CENPH: variants seen among roughly 807,000 people sequenced by gnomAD.
CENPH encodes centromere protein H, also known as CENP-H.
A neutral mutation model predicts 42.9 loss-of-function variants in CENPH; 40 were observed. The observed-to-expected ratio is 0.93, with a 90% CI of 0.72 to 1.21. The LOEUF (loss-of-function observed/expected upper bound fraction) is 1.21. CENPH is among the 50% of genes most tolerant of loss of function. The pLI, the probability that CENPH is intolerant of heterozygous loss-of-function variation, is 0.00. For synonymous variants in CENPH, 88 were observed against 96.5 expected, an observed-to-expected ratio of 0.91 and a Z score of 0.52; for missense variants, 302 against 292.9, an observed-to-expected ratio of 1.03 and a Z score of -0.23.
At chr5:69,205,702 C>CTTTTTTTTT (rs1158243799) in intron 7 of CENPH, among the ~76,000 whole-genome samples, 5 of 77,092 alleles carry the variant, frequency 6.5e-5, no homozygotes, top group African/African-American at 1.1e-4. Flanking sequence ...CTGTAGATAT[C>CTTTTTTTTT]TTTTTTTTTT....
chr5:69,190,985 C>A (rs1747860878), intron 1 of CENPH, among the ~76,000 whole-genome samples: 1 of 151,914 alleles, frequency 6.6e-6, no homozygotes, highest in African/African-American at 2.4e-5. Context: ...TTCCTCCTCA[C>A]CCTTGCTGTC....
At chr5:69,190,248 TC>T (rs1181870786) in intron 1 of CENPH, among the ~76,000 whole-genome samples, 12 of 152,248 alleles carry the variant, frequency 7.9e-5, no homozygotes, top group African/African-American at 2.9e-4. Context: ...GAAGGGACAT[TC>T]GTCTTCTAAA....
At chr5:69,207,033 T>C (rs1342038177) in intron 7 of CENPH, among the ~76,000 whole-genome samples, 1 of 152,164 alleles carries the variant, frequency 6.6e-6, no homozygotes, top group Non-Finnish European at 1.5e-5. Flanking sequence ...ATGATTCATT[T>C]TCTCCACTGC....
At chr5:69,198,848 C>T (rs1431911207) in intron 5 of CENPH, among the ~76,000 whole-genome samples, 4 of 151,996 alleles carry the variant, frequency 2.6e-5, no homozygotes, top group South Asian at 4.1e-4. Context: ...GGGAGAGGAT[C>T]AGCCTCCTGC....
At chr5:69,204,060 TAA>T (rs1748106542) in intron 7 of CENPH, among the ~76,000 whole-genome samples, 3 of 107,472 alleles carry the variant, frequency 2.8e-5, no homozygotes, top group Non-Finnish European at 3.8e-5. Context: ...ATTATATATA[TAA>T]ATATATATAA....
chr5:69,197,064 C>G lies in CENPH; in HGVS notation c.326C>G (p.Ser109Ter). The G allele has an allele frequency of 6.3e-7, 1 of 1,575,248 alleles. No homozygotes were observed. The highest frequency in any genetic ancestry group is 2.0e-5 in the Admixed American group (1 of 49,020). ...KKLALDRMRLSTALKKNLEKI... is the reference protein window; with the variant it reads ...KKLALDRMRL The stretch of plus-strand genomic sequence containing the variant: ...TTTCCCTCTCATAGGATGAGACTTT[C>G]AACTGCACTTAAAAAAAACCTGGAG... The change falls in exon 5 of 9, where the codon TCA (serine) becomes TGA (stop). Residue 109 changes from serine to a stop codon, truncating the protein, a stop_gained. Transcript: ENST00000283006. LOFTEE classifies it high-confidence loss of function.
chr5:69,196,981 A>T, intron 4 of CENPH, 72 bp from the exon 5 acceptor site: 1 of 921,382 alleles, frequency 1.1e-6, no homozygotes, highest in Non-Finnish European at 1.6e-6. Context: ...AATCTTTTTC[A>T]TGTTTTGAAT....
chr5:69,189,652 G>T lies in CENPH; in HGVS notation c.18G>T (p.Gln6His), dbSNP rs745848073. ...AACCAGCAATGGAGGAGCAGCCCCA[G>T]ATGCAAGACGCCGACGAGCCCGCGG... The part of the protein sequence containing the change: MEEQP[Q>H]MQDADEPADS... The change falls in exon 1 of 9, where the codon CAG (glutamine) becomes CAT (histidine). Residue 6 changes from glutamine (Q) to histidine (H), a missense_variant. Coordinates refer to ENST00000283006, the MANE Select transcript of CENPH (RefSeq NM_022909.4). 9.4e-6 allele frequency: 15 copies of T among 1,601,834 alleles called. No homozygotes were observed. Among genetic ancestry groups the T allele is most frequent in the Non-Finnish European group, 1.2e-5 (14 of 1,176,330 alleles).
chr5:69,196,013 A>G lies in CENPH; in HGVS notation c.314+222A>G, dbSNP rs1471026621. ...GAGTACAGCGACATGATCACTGCTC[A>G]CTGTAGCCTCAACCTCCCAAGCTCA... is the stretch of plus-strand genomic sequence containing the variant. On this transcript the variant is annotated intron_variant, in intron 4 of 8. Transcript: ENST00000283006. 3.9e-5 allele frequency among the ~76,000 whole-genome samples: 6 copies of G among 152,264 alleles called. No homozygotes were observed. The South Asian group carries it at 8.3e-4, about 21-fold the overall frequency.
Position 69,210,127 on chromosome 5 carries a change from T to A in CENPH, c.*328T>A, listed in dbSNP as rs572606630. ...AGCAGTTCTGCCTCAGCCTCCCAAG[T>A]AGCTGTGACTAAAGGTGCACGCCGC... On this transcript the variant is annotated 3_prime_UTR_variant, in exon 9 of 9. Coordinates refer to ENST00000283006, the MANE Select transcript of CENPH (RefSeq NM_022909.4). The A allele has an allele frequency of 9.6e-5, 16 of 166,240 alleles. No homozygotes were observed. In the South Asian group the frequency reaches 2.4e-3, roughly 25 times the overall value. The allele number at this position is 166,240 out of a possible 1,614,324, so 10.3% of individuals were successfully genotyped here. A position where few individuals can be genotyped will look rare whatever the true frequency, so the allele number is the denominator to read the frequency against.
intron 3 of CENPH, among the ~76,000 whole-genome samples, 181 bp from the exon 4 acceptor site, chr5:69,195,536 G>A (rs1054042804): frequency 8.5e-5 from 13 of 152,162 alleles, no homozygotes; most frequent in African/African-American, 2.9e-4. Context: ...GATACTAAGT[G>A]AAGTAGCTGA....
At chr5:69,203,188 GAGAC>G (rs1748085483) in intron 7 of CENPH, among the ~76,000 whole-genome samples, 1 of 152,008 alleles carries the variant, frequency 6.6e-6, no homozygotes, top group South Asian at 2.1e-4. Flanking sequence ...TGCTTTTTCT[GAGAC>G]AGTCTTGCTC....
In CENPH at chr5:69,189,668, G is replaced by A; in HGVS notation, c.34G>A (p.Glu12Lys). ...GCAGCCCCAGATGCAAGACGCCGAC[G>A]AGCCCGCGGACTCCGGAGGGGAAGG... ...EEQPQMQDAD[E>K]PADSGGEGRA... The change falls in exon 1 of 9, where the codon GAG (glutamate) becomes AAG (lysine). Residue 12 changes from glutamate to lysine, a missense_variant. Transcript: ENST00000283006. The A allele has an allele frequency of 6.3e-7, 1 of 1,599,510 alleles. No individual in the cohort carries two copies. Among genetic ancestry groups the A allele is most frequent in the Non-Finnish European group, 8.5e-7 (1 of 1,175,026 alleles).
At chr5:69,194,791 G>T in intron 3 of CENPH, 96 bp downstream of exon 3, 1 of 754,852 alleles carries the variant, frequency 1.3e-6, no homozygotes, top group Non-Finnish European at 2.2e-6. Flanking sequence ...CTATCATGCA[G>T]GCTAGAGTGC....
At position 69,209,719 on chromosome 5, in the gene CENPH, G is replaced by C; in HGVS notation, c.664G>C (p.Gly222Arg). Reference sequence around the variant, plus strand: ...TTTTTCTTTACAGAACCTTATTTTGGGGAGTAAAGTCAATTGGGCAGAGGA... The same window carrying C: ...TTTTTCTTTACAGAACCTTATTTTGCGGAGTAAAGTCAATTGGGCAGAGGA... The part of the protein sequence containing the change: ...IQHVFQNLIL[G>R]SKVNWAEDPA... The change falls in exon 9 of 9, where the codon GGG (glycine) becomes CGG (arginine). Residue 222 changes from glycine to arginine, a missense_variant. Gly to Arg is a moderately radical substitution (Grantham distance 125, BLOSUM62 -2). Coordinates refer to ENST00000283006, the MANE Select transcript of CENPH (RefSeq NM_022909.4). 3.8e-6 allele frequency: 6 copies of C among 1,587,964 alleles called. No individual in the cohort carries two copies. Among genetic ancestry groups the C allele is most frequent in the Non-Finnish European group, 5.2e-6 (6 of 1,161,412 alleles).
chr5:69,209,791 A>G lies in CENPH; in HGVS notation c.736A>G (p.Met246Val). ...IVLQLEKNVD[M>V]M The stretch of plus-strand genomic sequence containing the variant: ...TCTGCAGCTTGAGAAGAATGTTGAC[A>G]TGATGTAATAAGAATTCATTTCTGA... The change falls in exon 9 of 9, where the codon ATG becomes GTG. Residue 246 changes from methionine (M) to valine (V), a missense_variant. Coordinates refer to ENST00000283006, the MANE Select transcript of CENPH (RefSeq NM_022909.4). 6.4e-7 allele frequency: 1 copy of G among 1,563,376 alleles called. No individual in the cohort carries two copies. Among genetic ancestry groups the G allele is most frequent in the Non-Finnish European group, 8.8e-7 (1 of 1,136,006 alleles).
chr5:69,190,127 C>G (rs1747842645), intron 1 of CENPH, among the ~76,000 whole-genome samples: 1 of 152,140 alleles, frequency 6.6e-6, no homozygotes, highest in Non-Finnish European at 1.5e-5. Context: ...CCTACCATTT[C>G]TTTTAGAACT....
Position 69,195,757 on chromosome 5 carries a change from G to A in CENPH, c.280G>A (p.Val94Ile), listed in dbSNP as rs376036036. 3 of 1,563,990 alleles carry A rather than the reference G, an allele frequency of 1.9e-6. No individual in the cohort carries two copies. The African/African-American group carries it at 4.1e-5, about 22-fold the overall frequency. The change falls in exon 4 of 9, where the codon GTT becomes ATT. Residue 94 changes from valine to isoleucine, a missense_variant. By Grantham distance (29) the Val-to-Ile change is conservative (BLOSUM62 3). Transcript: ENST00000283006. ...DLENEIEEVK[V>I]AFEIKKLALD... ...GGAAAATGAAATTGAAGAGGTAAAA[G>A]TTGCTTTTGAGATAAAAAAGCTTGC... is the stretch of plus-strand genomic sequence containing the variant.
At chr5:69,196,388 T>G (rs909892934) in intron 4 of CENPH, among the ~76,000 whole-genome samples, 2 of 152,196 alleles carry the variant, frequency 1.3e-5, no homozygotes, top group African/African-American at 4.8e-5. Flanking sequence ...CTCGCGCCTG[T>G]AATCCCAGCA....
Sources: allele counts gnomAD v4.1 joint callset (sites outside exome capture counted in the v4.1 genomes callset), GRCh38; gene constraint gnomAD v4.1.1; transcripts MANE v1.5; gene names NCBI Gene and HGNC (gene_info 2026-07-23, HGNC 2026-07-21).